The following CHM variants were observed in gnomAD, a reference collection of about 807,000 sequenced individuals.
CHM encodes CHM Rab escort protein.
A neutral mutation model predicts 49.0 loss-of-function variants in CHM; 10 were observed. The ratio of observed to expected loss-of-function variants is 0.20; its 90% CI spans 0.13 to 0.35. CHM has a LOEUF of 0.35. Among genes scored for constraint, CHM ranks in the 10% least tolerant of loss-of-function variants. The pLI, the probability that CHM is intolerant of heterozygous loss-of-function variation, is 1.00. For synonymous variants in CHM, 184 were observed against 167.5 expected, an observed-to-expected ratio of 1.10 and a Z score of -0.76; for missense variants, 455 against 478.4, an observed-to-expected ratio of 0.95 and a Z score of 0.46.
chrX:85,924,923 T>A (rs1928000448), intron 8 of CHM, among the ~76,000 whole-genome samples: 1 of 111,947 alleles, frequency 8.9e-6, no homozygotes, highest in Non-Finnish European at 1.9e-5. Context: ...TTTTTATAAA[T>A]CTTAGCCATT....
intron 8 of CHM, among the ~76,000 whole-genome samples, chrX:85,948,146 T>G (rs1929519185): frequency 8.9e-6 from 1 of 112,197 alleles, no homozygotes; most frequent in Non-Finnish European, 1.9e-5. Context: ...ATACCTGACG[T>G]AGTATATAAA....
intron 2 of CHM, among the ~76,000 whole-genome samples, chrX:86,015,913 A>T (rs1298290664): frequency 1.8e-5 from 2 of 111,917 alleles, no homozygotes; most frequent in Non-Finnish European, 3.8e-5. Context: ...CAGGTGGATC[A>T]CCTCAGGTCA....
chrX:85,917,397 AC>A (rs1184340189), intron 8 of CHM, among the ~76,000 whole-genome samples: 1 of 111,448 alleles, frequency 9.0e-6, no homozygotes, highest in Non-Finnish European at 1.9e-5. Flanking sequence ...TCACCATGAC[AC>A]AAGTTTAGCT....
chrX:85,866,799 G>A (rs763661597), intron 14 of CHM, among the ~76,000 whole-genome samples: 2 of 113,287 alleles, frequency 1.8e-5, no homozygotes, highest in South Asian at 3.6e-4. Flanking sequence ...ATGACTGCCC[G>A]GCTGGGTTTT....
At chrX:85,866,684 C>A (rs1923719282) in intron 14 of CHM, among the ~76,000 whole-genome samples, 1 of 113,134 alleles carries the variant, frequency 8.8e-6, no homozygotes, top group Non-Finnish European at 1.9e-5. Context: ...CCCTGCAGAG[C>A]CACAGGGTTG....
At position 86,027,482 on chromosome X, in the gene CHM, T is replaced by TA; in HGVS notation, c.116+8dup. ...AGGAAATATTAAATGCTATCGTTGA[T>TA]AAACTTACGAATCAACATGCAGAAC... On this transcript the variant is annotated intron_variant, in intron 2 of 14. Coordinates refer to ENST00000357749, the MANE Select transcript of CHM (RefSeq NM_000390.4). 1 of 1,197,087 alleles carries TA rather than the reference T, an allele frequency of 8.4e-7. No individual in the cohort carries two copies. Among genetic ancestry groups the TA allele is most frequent in the African/African-American group, 1.7e-5 (1 of 57,552 alleles).
At position 85,956,279 on chromosome X, in the gene CHM, G is replaced by C. The variant is rs143854983; in HGVS notation, c.1040C>G (p.Thr347Arg). 3 of 1,209,743 alleles carry C rather than the reference G, an allele frequency of 2.5e-6. No homozygotes were observed. In the African/African-American group the frequency reaches 5.2e-5, roughly 21 times the overall value. ...VMHSIAMTSE[T>R]ASSTIDGLKA... ...GAGACCATCTATGGTGCTGCTGGCT[G>C]TCTCTGATGTCATTGCAATTGAATG... The change falls in exon 8 of 15, where the codon ACA (threonine) becomes AGA (arginine). Residue 347 changes from threonine (T) to arginine (R), a missense_variant. Coordinates refer to ENST00000357749, the MANE Select transcript of CHM (RefSeq NM_000390.4).
Position 85,963,974 on chromosome X carries a change from T to C in CHM, c.393A>G (p.Thr131=). 8.3e-7 allele frequency: 1 copy of C among 1,210,180 alleles called. No individual in the cohort carries two copies. The highest frequency in any genetic ancestry group is 1.8e-5 in the South Asian group (1 of 56,758). ...GCAGGAAGGCAGAATCTGCAGCTTCTGTGGAGTTTGCAGATGTCACAAGAG... is the reference window on the plus strand; with the variant it reads ...GCAGGAAGGCAGAATCTGCAGCTTCCGTGGAGTTTGCAGATGTCACAAGAG... ...NHALVTSANS[T]EAADSAFLPT... is the part of the protein sequence containing the mutation. The change falls in exon 5 of 15, where the codon ACA becomes ACG. Residue 131 remains threonine, a synonymous_variant. Coordinates refer to ENST00000357749, the MANE Select transcript of CHM (RefSeq NM_000390.4).
intron 2 of CHM, among the ~76,000 whole-genome samples, chrX:85,996,965 C>T (rs1932467566): frequency 1.8e-5 from 2 of 111,783 alleles, no homozygotes; most frequent in Admixed American, 1.9e-4. Flanking sequence ...TTTTTCTTCC[C>T]TCAACATCTG....
At chrX:85,891,105 AG>A (rs1352759770) in intron 12 of CHM, among the ~76,000 whole-genome samples, 3 of 112,119 alleles carry the variant, frequency 2.7e-5, no homozygotes, top group Non-Finnish European at 5.6e-5. Context: ...ATCTGGTGGA[AG>A]AAATTTCTAA....
intron 1 of CHM, among the ~76,000 whole-genome samples, chrX:86,031,657 A>G (rs1444602182): frequency 8.9e-6 from 1 of 112,151 alleles, no homozygotes; most frequent in East Asian, 2.8e-4. Flanking sequence ...CCTGACCAAC[A>G]TGTAGAAACC....
chrX:86,005,760 G>C (rs1243381693), intron 2 of CHM, among the ~76,000 whole-genome samples: 4 of 111,855 alleles, frequency 3.6e-5, no homozygotes, highest in Non-Finnish European at 7.5e-5. Context: ...CTGAAATTGA[G>C]GCAATAATTA....
intron 2 of CHM, among the ~76,000 whole-genome samples, chrX:86,015,214 G>C (rs771300085): frequency 3.6e-5 from 4 of 110,962 alleles, no homozygotes; most frequent in African/African-American, 1.3e-4. Flanking sequence ...GGTTTTACCC[G>C]TGCTGTCCTT....
chrX:85,961,741 T>A (rs1930308316), intron 5 of CHM, among the ~76,000 whole-genome samples: 1 of 111,584 alleles, frequency 9.0e-6, no homozygotes, highest in African/African-American at 3.3e-5. Flanking sequence ...TATGAACCCA[T>A]GAAACTCTGC....
chrX:85,902,037 T>C (rs894646380), intron 9 of CHM, among the ~76,000 whole-genome samples: 9 of 112,007 alleles, frequency 8.0e-5, no homozygotes, highest in African/African-American at 2.3e-4. Context: ...CTTACCAGCA[T>C]TGACAAAGCC....
In CHM at chrX:86,017,830, CT is replaced by C. The variant is rs35828952; in HGVS notation, c.116+9660del. ...ATCACAATTCTAAACCTGTATGCCC[CT>C]ATCTATACTCAGAACATATAAAGCA... is the stretch of plus-strand genomic sequence containing the variant. On this transcript the variant is annotated intron_variant, in intron 2 of 14. Transcript: ENST00000357749. Among the ~76,000 whole-genome samples, 998 of 111,906 alleles carry C rather than the reference CT, an allele frequency of 8.9e-3. 16 individuals carry two copies. Among genetic ancestry groups the C allele is most frequent in the African/African-American group, 0.031 (942 of 30,790 alleles).
intron 2 of CHM, among the ~76,000 whole-genome samples, chrX:85,987,315 C>T (rs772454045): frequency 2.7e-5 from 3 of 111,236 alleles, no homozygotes; most frequent in African/African-American, 9.8e-5. Context: ...TACATAAAAC[C>T]CCTGCAAGAT....
intron 5 of CHM, 140 bp from the exon 6 acceptor site, chrX:85,959,117 T>C: frequency 2.5e-6 from 2 of 797,416 alleles, no homozygotes. Flanking sequence ...CATAACACAA[T>C]CTATTACAGG....
At chrX:85,924,656 T>C (rs1020279873) in intron 8 of CHM, among the ~76,000 whole-genome samples, 1 of 111,929 alleles carries the variant, frequency 8.9e-6, no homozygotes, top group African/African-American at 3.2e-5. Context: ...GGTTAGTTTC[T>C]GTGCCTTAAG....
Sources: allele counts gnomAD v4.1 joint callset (sites outside exome capture counted in the v4.1 genomes callset), GRCh38; gene constraint gnomAD v4.1.1; transcripts MANE v1.5; gene names NCBI Gene and HGNC (gene_info 2026-07-23, HGNC 2026-07-21).